The following LARS2 variants were observed in gnomAD, a reference collection of about 807,000 sequenced individuals.
LARS2 encodes leucyl-tRNA synthetase 2, mitochondrial.
Under a neutral mutation model 116.6 loss-of-function variants are expected in LARS2, and 81 were observed. The ratio of observed to expected loss-of-function variants is 0.69; its 90% CI spans 0.58 to 0.84. LARS2 has a LOEUF of 0.84. LARS2 is among the 40% of genes least tolerant of loss of function. The pLI, the probability that LARS2 is intolerant of heterozygous loss-of-function variation, is 0.00. For missense variants in LARS2, 968 were observed against 1,114.5 expected (o/e 0.87, Z 1.87); for synonymous variants, 396 against 407.2 (o/e 0.97, Z 0.33).
intron 12 of LARS2, among the ~76,000 whole-genome samples, chr3:45,490,855 A>C (rs566353016): frequency 5.3e-5 from 8 of 152,232 alleles, no homozygotes; most frequent in Middle Eastern, 6.3e-3. Flanking sequence ...AAGTGAAAAG[A>C]TAATTTCTCT....
At position 45,516,093 on chromosome 3, in the gene LARS2, G is replaced by A. The variant is rs1191419777; in HGVS notation, c.1862-1G>A. 1 of 1,613,526 alleles carries A rather than the reference G, an allele frequency of 6.2e-7. No homozygotes were observed. Among genetic ancestry groups the A allele is most frequent in the African/African-American group, 1.3e-5 (1 of 75,028 alleles). ...TACCTATGGATTATTTTGGCATCTA[G>A]GTTCCGTTCCTGTTCATGCAAAAAC... On this transcript the variant is annotated splice_acceptor_variant, in intron 16 of 21. Transcript: ENST00000645846. LOFTEE classifies it high-confidence loss of function.
At chr3:45,399,543 T>G (rs956390630) in intron 3 of LARS2, among the ~76,000 whole-genome samples, 11 of 152,172 alleles carry the variant, frequency 7.2e-5, no homozygotes, top group African/African-American at 2.7e-4. Context: ...CTAATAATCT[T>G]GCTTTCGCTT....
intron 7 of LARS2, among the ~76,000 whole-genome samples, chr3:45,453,554 C>T (rs1228603898): frequency 6.6e-6 from 1 of 152,208 alleles, no homozygotes; most frequent in African/African-American, 2.4e-5. Context: ...AGAATTGCTA[C>T]ACACTGGCAC....
intron 3 of LARS2, among the ~76,000 whole-genome samples, chr3:45,396,514 C>T (rs17077760): frequency 0.01 from 1,527 of 152,254 alleles, 22 homozygotes; most frequent in African/African-American, 0.033. Flanking sequence ...GAGACTATGA[C>T]GGAATGCTCA....
In LARS2 at chr3:45,446,980, G is replaced by C. The variant is rs890195483; in HGVS notation, c.606G>C (p.Glu202Asp). 1 of 1,565,530 alleles carries C rather than the reference G, an allele frequency of 6.4e-7. No homozygotes were observed. Among genetic ancestry groups the C allele is most frequent in the Non-Finnish European group, 8.8e-7 (1 of 1,140,230 alleles). ...LYEAGLAYQK[E>D]ALVNWDPVDQ... Reference sequence around the variant, plus strand: ...AGGCTGGGCTGGCCTATCAAAAGGAGGTAAGTTAAAATTAGCTGGACTTTT... The same window carrying C: ...AGGCTGGGCTGGCCTATCAAAAGGACGTAAGTTAAAATTAGCTGGACTTTT... Residue 202 changes from glutamate to aspartate, a missense_variant and splice_region_variant, in exon 7 of 22, where the codon GAG (glutamate) becomes GAC (aspartate). Transcript: ENST00000645846.
intron 14 of LARS2, among the ~76,000 whole-genome samples, chr3:45,496,857 T>C (rs1215117960): frequency 1.3e-5 from 2 of 152,198 alleles, no homozygotes; most frequent in African/African-American, 4.8e-5. Flanking sequence ...GCTACATCAT[T>C]AAGTTAGATT....
intron 3 of LARS2, among the ~76,000 whole-genome samples, chr3:45,396,982 G>A (rs62244087): frequency 2.0e-5 from 3 of 152,174 alleles, no homozygotes; most frequent in African/African-American, 2.4e-5. Context: ...CTGGGGCTCC[G>A]GATTCCTATT....
chr3:45,469,020 C>T (rs1699479122), intron 8 of LARS2, among the ~76,000 whole-genome samples: 1 of 152,178 alleles, frequency 6.6e-6, no homozygotes, highest in African/African-American at 2.4e-5. Flanking sequence ...CTTGGTGCCT[C>T]TTTTCCTCTT....
At chr3:45,462,968 T>C (rs377101625) in intron 8 of LARS2, among the ~76,000 whole-genome samples, 63 of 152,346 alleles carry the variant, frequency 4.1e-4, no homozygotes, top group South Asian at 3.1e-3. Context: ...TAAAAGTGAT[T>C]TCAGCCACTC....
chr3:45,469,387 C>A (rs1045901041), intron 8 of LARS2, among the ~76,000 whole-genome samples: 4 of 152,086 alleles, frequency 2.6e-5, no homozygotes, highest in Non-Finnish European at 5.9e-5. Context: ...ACTCTGTCAC[C>A]CAGGCTGGAG....
intron 7 of LARS2, among the ~76,000 whole-genome samples, chr3:45,452,244 TGG>T (rs1699142157): frequency 6.6e-6 from 1 of 152,190 alleles, no homozygotes; most frequent in Admixed American, 6.5e-5. Context: ...GTGGTGAAAG[TGG>T]TAATCCTTGT....
intron 4 of LARS2, among the ~76,000 whole-genome samples, chr3:45,416,231 G>A (rs967480881): frequency 5.3e-5 from 8 of 151,504 alleles, no homozygotes; most frequent in Admixed American, 5.3e-4. Flanking sequence ...CTCCAATCTG[G>A]GCAACAGAGT....
At chr3:45,496,440 G>C (rs1700012490) in intron 14 of LARS2, 67 bp downstream of exon 14, 1 of 1,127,118 alleles carries the variant, frequency 8.9e-7, no homozygotes, top group Admixed American at 1.7e-5. Flanking sequence ...CAAAGACCAA[G>C]ATGGAATTAG....
Position 45,419,315 on chromosome 3 carries a change from G to A in LARS2, c.456-354G>A, listed in dbSNP as rs1477604953. 2.6e-5 allele frequency among the ~76,000 whole-genome samples: 4 copies of A among 152,110 alleles called. No homozygotes were observed. In the East Asian group the frequency reaches 7.7e-4, roughly 29 times the overall value. ...CCACTTTTAAGCTTATAAATGCTTG[G>A]CTTAAATAATATGGCTTAAATGCTT... On this transcript the variant is annotated intron_variant, in intron 5 of 21. Coordinates refer to ENST00000645846, the MANE Select transcript of LARS2 (RefSeq NM_015340.4).
chr3:45,478,174 C>G (rs543863477), intron 10 of LARS2, among the ~76,000 whole-genome samples: 3 of 152,290 alleles, frequency 2.0e-5, no homozygotes, highest in Non-Finnish European at 2.9e-5. Flanking sequence ...ATAGCTGTCT[C>G]TCTCAGGTTT....
intron 3 of LARS2, among the ~76,000 whole-genome samples, chr3:45,395,917 C>T (rs1263690034): frequency 1.3e-5 from 2 of 152,172 alleles, no homozygotes; most frequent in Non-Finnish European, 2.9e-5. Context: ...TTGACTTCTA[C>T]CTTGTTAGGA....
rs746598107 is a variant in LARS2, at chr3:45,394,422, C to T, written c.-21-11C>T. On this transcript the variant is annotated splice_polypyrimidine_tract_variant and intron_variant, in intron 2 of 21. Coordinates refer to ENST00000645846, the MANE Select transcript of LARS2 (RefSeq NM_015340.4). ...GGCAGCTCATAGTGTGCTTTCTGCC[C>T]TCTTTTTCAGGGCCTTCTCACCTTC... is the stretch of plus-strand genomic sequence containing the variant. 1.9e-6 allele frequency: 3 copies of T among 1,547,186 alleles called. No homozygotes were observed. The highest frequency in any genetic ancestry group is 2.2e-5 in the South Asian group (2 of 89,508).
At chr3:45,473,411 G>C (rs746530603) in intron 8 of LARS2, among the ~76,000 whole-genome samples, 16 of 151,168 alleles carry the variant, frequency 1.1e-4, no homozygotes, top group Non-Finnish European at 2.2e-4. Flanking sequence ...TTGAGACAGA[G>C]TCTTGCTCTG....
chr3:45,444,223 G>A (rs564055573), intron 6 of LARS2, among the ~76,000 whole-genome samples: 1 of 145,334 alleles, frequency 6.9e-6, no homozygotes, highest in South Asian at 2.2e-4. Context: ...CCGTGTTAGC[G>A]AGGATGGTCT....
Sources: allele counts gnomAD v4.1 joint callset (sites outside exome capture counted in the v4.1 genomes callset), GRCh38; gene constraint gnomAD v4.1.1; transcripts MANE v1.5; gene names NCBI Gene and HGNC (gene_info 2026-07-23, HGNC 2026-07-21).